Variants in AGBL4 observed in about 807,000 individuals in gnomAD.
AGBL4 encodes cytosolic carboxypeptidase 6.
A neutral mutation model predicts 66.4 loss-of-function variants in AGBL4; 58 were observed. The ratio of observed to expected loss-of-function variants is 0.87; its 90% CI spans 0.71 to 1.09. The LOEUF is 1.09. Among genes scored for constraint, AGBL4 ranks in the 50% least tolerant of loss-of-function variants. The pLI is 0.00. For missense variants in AGBL4, 579 were observed against 631.0 expected (o/e 0.92, Z 0.88); for synonymous variants, 234 against 222.9 (o/e 1.05, Z -0.44).
intron 6 of AGBL4, among the ~76,000 whole-genome samples, chr1:48,838,880 G>A (rs755295347): frequency 6.6e-6 from 1 of 152,046 alleles, no homozygotes; most frequent in Non-Finnish European, 1.5e-5. Flanking sequence ...GATCTGAATA[G>A]CAATTTCTGA....
At chr1:48,692,677 C>T (rs1230133847) in intron 6 of AGBL4, among the ~76,000 whole-genome samples, 1 of 152,138 alleles carries the variant, frequency 6.6e-6, no homozygotes, top group African/African-American at 2.4e-5. Flanking sequence ...TACAGGTGAT[C>T]CAGGGGTGAT....
At chr1:49,980,934 A>G (rs1236822617) in intron 1 of AGBL4, among the ~76,000 whole-genome samples, 1 of 152,146 alleles carries the variant, frequency 6.6e-6, no homozygotes. Context: ...TGCTAGTACC[A>G]ATTTATATTG....
chr1:48,539,605 A>G lies in AGBL4; in HGVS notation c.1364+37T>C, dbSNP rs1484996850. Reference sequence around the variant, plus strand: ...TGCCCCTGAATACAGCCCGTGGAGCAGAACTCAAGCCGAAACCTCTCTGCT... The same window carrying G: ...TGCCCCTGAATACAGCCCGTGGAGCGGAACTCAAGCCGAAACCTCTCTGCT... On this transcript the variant is annotated intron_variant, in intron 12 of 13. Coordinates refer to ENST00000371839, the MANE Select transcript of AGBL4 (RefSeq NM_032785.4). 6.8e-6 allele frequency: 10 copies of G among 1,477,474 alleles called. No homozygotes were observed. In the South Asian group the frequency reaches 1.1e-4, roughly 16 times the overall value. The allele number at this position is 1,477,474 out of a possible 1,614,324, so 91.5% of individuals were successfully genotyped here.
chr1:48,896,305 G>A (rs533040180), intron 5 of AGBL4, among the ~76,000 whole-genome samples: 1 of 152,262 alleles, frequency 6.6e-6, no homozygotes, highest in South Asian at 2.1e-4. Flanking sequence ...GTCTGGCATT[G>A]AGGAACCTTC....
chr1:49,963,003 T>C (rs755572895), intron 1 of AGBL4, among the ~76,000 whole-genome samples: 3 of 152,114 alleles, frequency 2.0e-5, no homozygotes, highest in Non-Finnish European at 4.4e-5. Context: ...TGCACATCAA[T>C]CAAAGTGACT....
chr1:48,559,702 C>T (rs1401620314), intron 11 of AGBL4, among the ~76,000 whole-genome samples: 3 of 152,230 alleles, frequency 2.0e-5, no homozygotes, highest in Middle Eastern at 3.4e-3. Context: ...TTTAGACCCT[C>T]GAATGTTCTT....
chr1:49,220,829 A>G (rs1298358198), intron 4 of AGBL4, among the ~76,000 whole-genome samples: 2 of 152,176 alleles, frequency 1.3e-5, no homozygotes, highest in Non-Finnish European at 2.9e-5. Context: ...AAATAAAAAC[A>G]TTACCTATGC....
chr1:49,765,857 C>A (rs550302985), intron 2 of AGBL4, among the ~76,000 whole-genome samples: 26 of 151,838 alleles, frequency 1.7e-4, no homozygotes, highest in African/African-American at 5.1e-4. Context: ...AATTGAAGCC[C>A]AGTCTTTTAA....
At chr1:50,019,306 T>A (rs4123371) in intron 1 of AGBL4, among the ~76,000 whole-genome samples, 14,247 of 48,592 alleles carry the variant, frequency 0.29, 2,364 homozygotes, top group East Asian at 0.47. Flanking sequence ...TCTCTCTCTC[T>A]CACACACACA....
chr1:49,723,981 A>T (rs2124693948), intron 2 of AGBL4, among the ~76,000 whole-genome samples: 1 of 152,272 alleles, frequency 6.6e-6, no homozygotes, highest in South Asian at 2.1e-4. Flanking sequence ...CATGCTTACC[A>T]GAGAAGTCCA....
chr1:49,759,497 A>G (rs1285770105), intron 2 of AGBL4, among the ~76,000 whole-genome samples: 1 of 152,228 alleles, frequency 6.6e-6, no homozygotes, highest in Non-Finnish European at 1.5e-5. Flanking sequence ...GAAAATGTCC[A>G]TTACAAAAAA....
At position 49,498,261 on chromosome 1, in the gene AGBL4, GT is replaced by G. The variant is rs1193050504; in HGVS notation, c.282+199051del. Among the ~76,000 whole-genome samples the G allele has an allele frequency of 2.6e-5, 4 of 151,956 alleles. No individual in the cohort carries two copies. In the South Asian group the frequency reaches 8.3e-4, roughly 32 times the overall value. On this transcript the variant is annotated intron_variant, in intron 3 of 13. Coordinates refer to ENST00000371839, the MANE Select transcript of AGBL4 (RefSeq NM_032785.4). ...CTGAATTTGTTTATCAGACCTCACA[GT>G]TTTTTGTTAGACTCTTTATCATGTT...
At chr1:49,133,057 C>T (rs1468743520) in intron 4 of AGBL4, among the ~76,000 whole-genome samples, 1 of 152,078 alleles carries the variant, frequency 6.6e-6, no homozygotes, top group Non-Finnish European at 1.5e-5. Context: ...TATTATGCAG[C>T]CATAAAAAGA....
intron 5 of AGBL4, among the ~76,000 whole-genome samples, chr1:49,013,276 A>G (rs1360168595): frequency 2.0e-5 from 3 of 152,186 alleles, no homozygotes; most frequent in African/African-American, 7.2e-5. Context: ...TGTCCAGGAA[A>G]CCTCACAGAA....
chr1:49,691,298 C>T (rs540387835), intron 3 of AGBL4: 4 of 152,466 alleles, frequency 2.6e-5, no homozygotes, highest in Non-Finnish European at 5.9e-5. Context: ...TGGTGGTGGC[C>T]TTGGTGACAT....
At chr1:48,907,808 G>A (rs1652755083) in intron 5 of AGBL4, among the ~76,000 whole-genome samples, 1 of 152,174 alleles carries the variant, frequency 6.6e-6, no homozygotes, top group African/African-American at 2.4e-5. Context: ...TGAGGACCCT[G>A]ATGAGAGCTG....
chr1:49,811,775 A>G (rs1392484091), intron 2 of AGBL4, among the ~76,000 whole-genome samples: 2 of 152,136 alleles, frequency 1.3e-5, no homozygotes, highest in Admixed American at 1.3e-4. Flanking sequence ...ATATATTACT[A>G]GACAAATTAT....
chr1:48,788,431 T>G (rs1324033069), intron 6 of AGBL4, among the ~76,000 whole-genome samples: 1 of 152,202 alleles, frequency 6.6e-6, no homozygotes, highest in African/African-American at 2.4e-5. Flanking sequence ...ACAAAGGCAG[T>G]CTGCCTTGTT....
chr1:49,035,633 C>G (rs931785701), intron 5 of AGBL4, among the ~76,000 whole-genome samples: 1 of 152,086 alleles, frequency 6.6e-6, no homozygotes, highest in Non-Finnish European at 1.5e-5. Context: ...TATTAGGAGA[C>G]TGCCTTTCCC....
Sources: allele counts gnomAD v4.1 joint callset (sites outside exome capture counted in the v4.1 genomes callset), GRCh38; gene constraint gnomAD v4.1.1; transcripts MANE v1.5; gene names NCBI Gene and HGNC (gene_info 2026-07-23, HGNC 2026-07-21).